ARHGAP39: variants seen among roughly 807,000 people sequenced by gnomAD.
The protein encoded by ARHGAP39 is rho GTPase-activating protein 39.
In ARHGAP39, 44 loss-of-function variants were observed where a neutral mutation model predicts 106.9. The observed-to-expected ratio is 0.41, with a 90% CI of 0.32 to 0.53. ARHGAP39 has a LOEUF of 0.53. Among genes scored for constraint, ARHGAP39 ranks in the 20% least tolerant of loss-of-function variants. The pLI, the probability that ARHGAP39 is intolerant of heterozygous loss-of-function variation, is 0.21. For missense variants in ARHGAP39, 1,496 were observed against 1,577.3 expected, an observed-to-expected ratio of 0.95 and a Z score of 0.87; for synonymous variants, 768 against 693.2, an observed-to-expected ratio of 1.11 and a Z score of -1.69.
At chr8:144,664,241 C>T (rs972407529) in intron 1 of ARHGAP39, among the ~76,000 whole-genome samples, 3 of 152,216 alleles carry the variant, frequency 2.0e-5, no homozygotes, top group Non-Finnish European at 2.9e-5. Flanking sequence ...CCCTCCACCT[C>T]TGCCACCTGA....
intron 2 of ARHGAP39, among the ~76,000 whole-genome samples, chr8:144,594,546 TAGTC>T (rs35807696): frequency 0.03 from 4,490 of 151,688 alleles, 210 homozygotes; most frequent in African/African-American, 0.1. Context: ...AATACAAAAT[TAGTC>T]AGGTATGATG....
chr8:144,655,743 A>C (rs934983915), intron 1 of ARHGAP39, among the ~76,000 whole-genome samples: 1 of 152,164 alleles, frequency 6.6e-6, no homozygotes, highest in South Asian at 2.1e-4. Flanking sequence ...TGGATGCAGG[A>C]CAAGAACTTG....
rs775731470 is a variant in ARHGAP39, at chr8:144,537,670, G to A, written c.2614+51C>T. ...AGAAGGCCAGGCGGCCGAGGCTGGAGAGCAGAGCTGTGCAGACGCCGCGCC... is the reference window on the plus strand; with the variant it reads ...AGAAGGCCAGGCGGCCGAGGCTGGAAAGCAGAGCTGTGCAGACGCCGCGCC... On this transcript the variant is annotated intron_variant, in intron 7 of 11. Transcript: ENST00000377307. 2.0e-6 allele frequency: 3 copies of A among 1,526,540 alleles called. No homozygotes were observed. The East Asian group carries it at 6.8e-5, about 34-fold the overall frequency. The allele number at this position is 1,526,540 out of a possible 1,614,324, so 94.6% of individuals were successfully genotyped here.
Position 144,678,977 on chromosome 8 carries a change from C to T in ARHGAP39, c.-82+6709G>A, listed in dbSNP as rs991940987. 9.2e-5 allele frequency among the ~76,000 whole-genome samples: 14 copies of T among 152,234 alleles called. No individual in the cohort carries two copies. In the East Asian group the frequency reaches 2.7e-3, roughly 29 times the overall value. ...GGTTCTGATCACTGTTCAGGGGGAA[C>T]TGGCAAGAGGACCTGGAGCCGTACC... is the stretch of plus-strand genomic sequence containing the variant. On this transcript the variant is annotated intron_variant, in intron 1 of 11. Transcript: ENST00000377307.
intron 2 of ARHGAP39, among the ~76,000 whole-genome samples, chr8:144,589,337 C>G (rs1819303156): frequency 6.6e-6 from 1 of 152,222 alleles, no homozygotes; most frequent in Non-Finnish European, 1.5e-5. Flanking sequence ...GCTGCTCCTC[C>G]ATGCAGGCGT....
chr8:144,535,095 G>A (rs532050726), intron 7 of ARHGAP39, among the ~76,000 whole-genome samples: 4 of 152,164 alleles, frequency 2.6e-5, no homozygotes, highest in African/African-American at 7.2e-5. Context: ...CTGCCCCAGC[G>A]CCCAGCGCCT....
rs1817519326 is a variant in ARHGAP39 at position 144,547,857 on chromosome 8, A to T, written c.1229T>A (p.Leu410Gln). 3.2e-6 allele frequency: 5 copies of T among 1,586,894 alleles called. No individual in the cohort carries two copies. In the East Asian group the frequency reaches 1.2e-4, roughly 37 times the overall value. Residue 410 changes from leucine to glutamine, a missense_variant, in exon 5 of 12, where the codon CTG becomes CAG. Transcript: ENST00000377307. This position sits in a 1 kb window ranked among gnomAD's most constrained non-coding sequence, Gnocchi z 5.2. ...GTACTTGTGCCGCGGGCCGGCGCGC[A>T]GCTTGGGGCTGGAGCCCGCCTGCTC... Reference protein sequence around the residue: ...YVEQAGSSPKLRAGPRHKYAP... With the variant: ...YVEQAGSSPKQRAGPRHKYAP...
chr8:144,674,261 G>A (rs1822175131), intron 1 of ARHGAP39, among the ~76,000 whole-genome samples: 1 of 152,220 alleles, frequency 6.6e-6, no homozygotes, highest in South Asian at 2.1e-4. Flanking sequence ...ACTGGAGAGT[G>A]AGCGAGGTGG....
At chr8:144,692,012 A>C in the ARHGAP39 span, among the ~76,000 whole-genome samples, 2 of 151,986 alleles carry the variant, frequency 1.3e-5, no homozygotes, top group African/African-American at 4.8e-5. Context: ...CACAAGTAGA[A>C]GCTACACAGG....
In ARHGAP39 at chr8:144,570,119, G is replaced by A. The variant is rs546468590; in HGVS notation, c.512+10727C>T. On this transcript the variant is annotated intron_variant, in intron 3 of 11. Coordinates refer to ENST00000377307, the MANE Select transcript of ARHGAP39 (RefSeq NM_025251.3). ...GCCTGTAATCCCAGCTACTCAGGAGGCTGAGGCAGGAGAATTACTTCACCC... is the reference window on the plus strand; with the variant it reads ...GCCTGTAATCCCAGCTACTCAGGAGACTGAGGCAGGAGAATTACTTCACCC... Among the ~76,000 whole-genome samples the A allele has an allele frequency of 1.1e-4, 16 of 152,324 alleles. No individual in the cohort carries two copies. The East Asian group carries it at 2.7e-3, about 26-fold the overall frequency.
chr8:144,555,235 G>T (rs371675546), intron 4 of ARHGAP39, among the ~76,000 whole-genome samples: 1 of 152,234 alleles, frequency 6.6e-6, no homozygotes, highest in African/African-American at 2.4e-5. Flanking sequence ...GCTTTGGCAC[G>T]TGTGGCCTGA....
In ARHGAP39 at chr8:144,581,279, T is replaced by A; in HGVS notation, c.81-2A>T. 6.5e-7 allele frequency: 1 copy of A among 1,541,996 alleles called. No homozygotes were observed. The highest frequency in any genetic ancestry group is 8.8e-7 in the Non-Finnish European group (1 of 1,142,320). The stretch of plus-strand genomic sequence containing the variant: ...TCGATGATCTCCACCCACTCCAACC[T>A]GGGGAGAGACAGGGTTAAGGCGGCT... On this transcript the variant is annotated splice_acceptor_variant, in intron 2 of 11. Coordinates refer to ENST00000377307, the MANE Select transcript of ARHGAP39 (RefSeq NM_025251.3). LOFTEE classifies it high-confidence loss of function.
intron 6 of ARHGAP39, among the ~76,000 whole-genome samples, chr8:144,543,444 T>C (rs954041543): frequency 6.6e-5 from 10 of 152,198 alleles, no homozygotes; most frequent in African/African-American, 2.4e-4. Flanking sequence ...CAGACGAACC[T>C]AGGAGTGGAT....
intron 2 of ARHGAP39, among the ~76,000 whole-genome samples, chr8:144,594,642 T>G (rs1412894061): frequency 1.4e-5 from 2 of 148,130 alleles, no homozygotes; most frequent in African/African-American, 2.5e-5. Context: ...TGCGGTGAGC[T>G]GAGATTGTGC....
chr8:144,614,537 G>C (rs1820584721), intron 1 of ARHGAP39, among the ~76,000 whole-genome samples: 1 of 152,134 alleles, frequency 6.6e-6, no homozygotes, highest in South Asian at 2.1e-4. Context: ...ATTTTCAGTA[G>C]AGATGGGGTT....
intron 5 of ARHGAP39, among the ~76,000 whole-genome samples, 158 bp downstream of exon 5, chr8:144,546,969 C>T (rs775945410): frequency 3.3e-5 from 5 of 152,174 alleles, no homozygotes; most frequent in Non-Finnish European, 7.4e-5. Context: ...CCTGACAGCC[C>T]GCTGGAGTGC....
Position 144,644,311 on chromosome 8 carries a change from A to G in ARHGAP39, c.-81-38616T>C, listed in dbSNP as rs531012021. On this transcript the variant is annotated intron_variant, in intron 1 of 11. Transcript: ENST00000377307. This position sits in a 1 kb window ranked among gnomAD's most constrained non-coding sequence, Gnocchi z 4.8. The stretch of plus-strand genomic sequence containing the variant: ...TAAAAAACAAAAGAAAGCAGGCAAC[A>G]AAGTCAGACACAAAAGATGACATAT... 7.9e-5 allele frequency among the ~76,000 whole-genome samples: 12 copies of G among 152,310 alleles called. No individual in the cohort carries two copies. The South Asian group carries it at 2.5e-3, about 32-fold the overall frequency.
chr8:144,530,400 C>A lies in ARHGAP39; in HGVS notation c.*22G>T, dbSNP rs1457998126. The A allele has an allele frequency of 1.3e-6, 2 of 1,575,318 alleles. No homozygotes were observed. The highest frequency in any genetic ancestry group is 2.3e-5 in the East Asian group (1 of 42,760). On this transcript the variant is annotated 3_prime_UTR_variant, in exon 12 of 12. Coordinates refer to ENST00000377307, the MANE Select transcript of ARHGAP39 (RefSeq NM_025251.3). ...CCTGGCTGGGGGCGGCAGGACATCC[C>A]TCCTGTCCCCGGGCGCCCCCGCTAC...
At chr8:144,552,299 C>T (rs992654348) in intron 4 of ARHGAP39, among the ~76,000 whole-genome samples, 8 of 152,238 alleles carry the variant, frequency 5.3e-5, no homozygotes, top group Non-Finnish European at 1.2e-4. Context: ...AACAAAACCA[C>T]AGCCAGAAGC....
Sources: allele counts gnomAD v4.1 joint callset (sites outside exome capture counted in the v4.1 genomes callset), GRCh38; gene constraint gnomAD v4.1.1; non-coding constraint Gnocchi (gnomAD v3.1); transcripts MANE v1.5; gene names NCBI Gene and HGNC (gene_info 2026-07-23, HGNC 2026-07-21).